The following RABGAP1 variants were observed in gnomAD, a reference collection of about 807,000 sequenced individuals.
RABGAP1 encodes RAB GTPase activating protein 1.
In RABGAP1, 23 loss-of-function variants were observed where a neutral mutation model predicts 137.6. That is an observed-to-expected ratio of 0.17 (90% CI 0.12 to 0.24). RABGAP1 has a LOEUF of 0.24. RABGAP1 is among the 10% of genes least tolerant of loss of function. The pLI, the probability that RABGAP1 is intolerant of heterozygous loss-of-function variation, is 1.00. For missense variants in RABGAP1, 906 were observed against 1,275.8 expected (o/e 0.71, Z 4.42); for synonymous variants, 451 against 450.7 (o/e 1.00, Z -0.01).
chr9:122,950,237 A>G (rs1834155781), intron 1 of RABGAP1, among the ~76,000 whole-genome samples: 1 of 152,158 alleles, frequency 6.6e-6, no homozygotes, highest in Non-Finnish European at 1.5e-5. Context: ...ATACAAGTCA[A>G]TGACATGAGG....
At chr9:122,980,154 A>G (rs1835969961) in intron 2 of RABGAP1, among the ~76,000 whole-genome samples, 1 of 152,236 alleles carries the variant, frequency 6.6e-6, no homozygotes, top group Non-Finnish European at 1.5e-5. Flanking sequence ...AGAGTTGAGT[A>G]GCTGCAAGAG....
At chr9:123,052,416 T>C (rs2033522931) in intron 13 of RABGAP1, among the ~76,000 whole-genome samples, 1 of 152,244 alleles carries the variant, frequency 6.6e-6, no homozygotes, top group Non-Finnish European at 1.5e-5. Flanking sequence ...CTTTTAGATC[T>C]TTTAGATAAG....
chr9:123,085,698 A>C (rs1476063333), intron 19 of RABGAP1, among the ~76,000 whole-genome samples: 1 of 152,220 alleles, frequency 6.6e-6, no homozygotes, highest in African/African-American at 2.4e-5. Flanking sequence ...AGAGAAAAAA[A>C]TGAGTCTTGG....
chr9:123,051,216 GTTTTTTTTTTT>G (rs552457119), intron 13 of RABGAP1, among the ~76,000 whole-genome samples: 2 of 34,274 alleles, frequency 5.8e-5, no homozygotes, highest in Admixed American at 3.5e-4. Flanking sequence ...ATTCACCTTG[GTTTTTTTTTTT>G]TTTTTTTTTT....
At chr9:122,996,775 CA>C (rs1171039659) in intron 8 of RABGAP1, among the ~76,000 whole-genome samples, 170 bp downstream of exon 8, 1 of 152,136 alleles carries the variant, frequency 6.6e-6, no homozygotes, top group African/African-American at 2.4e-5. Context: ...TAGCTATTTA[CA>C]AGTCTGACTT....
intron 2 of RABGAP1, among the ~76,000 whole-genome samples, chr9:122,970,444 T>TA (rs1289409718): frequency 6.6e-6 from 1 of 152,174 alleles, no homozygotes; most frequent in Non-Finnish European, 1.5e-5. Context: ...TACCCTGTCT[T>TA]AAAAAAGAAA....
Position 123,051,794 on chromosome 9 carries a change from AT to A in RABGAP1, c.1795-13552del, listed in dbSNP as rs398012162. On this transcript the variant is annotated intron_variant, in intron 13 of 25. Transcript: ENST00000373647. ...ATTTTATTTTATTTTATTTTATTTTATTATTATCTTTTTATGAGACGGAGCC... is the reference window on the plus strand; with the variant it reads ...ATTTTATTTTATTTTATTTTATTTTATATTATCTTTTTATGAGACGGAGCC... Among the ~76,000 whole-genome samples the A allele has an allele frequency of 5.8e-4, 67 of 115,012 alleles. No homozygotes were observed. In the Admixed American group the frequency reaches 6.0e-3, roughly 10 times the overall value. 75.5% of individuals were successfully genotyped at this position (115,012 alleles called of 152,430 possible).
intron 13 of RABGAP1, among the ~76,000 whole-genome samples, chr9:123,064,782 A>G (rs1466675167): frequency 1.3e-5 from 2 of 152,240 alleles, no homozygotes; most frequent in Non-Finnish European, 2.9e-5. Context: ...CATTGGAAAA[A>G]GCAAAGGATA....
At chr9:123,096,024 A>G (rs948970605) in intron 21 of RABGAP1, among the ~76,000 whole-genome samples, 1 of 152,220 alleles carries the variant, frequency 6.6e-6, no homozygotes, top group East Asian at 1.9e-4. Context: ...CTTGGAAAGT[A>G]TGTATGTTCT....
In RABGAP1 at chr9:123,101,673, G is replaced by C. The variant is rs960818580; in HGVS notation, c.2997G>C (p.Glu999Asp). The C allele has an allele frequency of 7.4e-6, 12 of 1,614,036 alleles. No individual in the cohort carries two copies. Among genetic ancestry groups the C allele is most frequent in the Non-Finnish European group, 1.0e-5 (12 of 1,179,990 alleles). ...KEVLDEDTDE[E>D]KETLKNQLRE... is the part of the protein sequence containing the mutation. ...TTTTAGATGAGGACACGGATGAAGA[G>C]AAAGAGACGCTCAAGAACCAGCTGA... The change falls in exon 25 of 26, where the codon GAG becomes GAC. Residue 999 changes from glutamate (E) to aspartate (D), a missense_variant. Physicochemically the swap from Glu to Asp is conservative, Grantham distance 45. This residue lies in a region of RABGAP1 where 193 missense variants were observed against 248.1 expected (regional missense o/e 0.78). Transcript: ENST00000373647.
At chr9:122,935,753 A>G in the RABGAP1 span, among the ~76,000 whole-genome samples, 118 of 152,328 alleles carry the variant, frequency 7.7e-4, no homozygotes, top group Middle Eastern at 3.4e-3. Flanking sequence ...TTGACTTACT[A>G]GAGATCTTTG....
intron 13 of RABGAP1, chr9:123,029,300 A>G (rs1396049082): frequency 1.7e-6 from 1 of 589,894 alleles, no homozygotes; most frequent in Non-Finnish European, 3.0e-6. Context: ...ATGTTAATTA[A>G]TCAATGTTTA....
chr9:123,092,357 G>C (rs1244809476), intron 21 of RABGAP1, among the ~76,000 whole-genome samples: 2 of 152,206 alleles, frequency 1.3e-5, no homozygotes, highest in South Asian at 2.1e-4. Flanking sequence ...CCCATTTACT[G>C]ATGATTTGTG....
Position 122,998,591 on chromosome 9 carries a change from G to T in RABGAP1, c.1205-6G>T. On this transcript the variant is annotated splice_region_variant and splice_polypyrimidine_tract_variant and intron_variant, in intron 9 of 25. Transcript: ENST00000373647. ...ACCTCTTCAGCCTCTCTCTTTCTTTGTTTAGATAAAGTCCTGTTTATGACC... is the reference window on the plus strand; with the variant it reads ...ACCTCTTCAGCCTCTCTCTTTCTTTTTTTAGATAAAGTCCTGTTTATGACC... 6.4e-7 allele frequency: 1 copy of T among 1,559,028 alleles called. No homozygotes were observed. Among genetic ancestry groups the T allele is most frequent in the Non-Finnish European group, 8.7e-7 (1 of 1,145,268 alleles).
chr9:122,989,640 G>A (rs1267148709), intron 5 of RABGAP1, 169 bp downstream of exon 5: 1 of 711,712 alleles, frequency 1.4e-6, no homozygotes, highest in Non-Finnish European at 2.3e-6. Context: ...CTAAAAATTT[G>A]ATTAACTAGA....
intron 2 of RABGAP1, among the ~76,000 whole-genome samples, chr9:122,959,762 G>GC (rs749919453): frequency 3.3e-5 from 5 of 152,160 alleles, no homozygotes; most frequent in Non-Finnish European, 5.9e-5. Flanking sequence ...CAAAGCAGGA[G>GC]CAAGATATCA....
At chr9:122,953,105 A>G (rs560418340) in intron 1 of RABGAP1, among the ~76,000 whole-genome samples, 17 of 152,364 alleles carry the variant, frequency 1.1e-4, no homozygotes, top group Admixed American at 2.0e-4. Context: ...CCCGACTAAC[A>G]ATCAAATTAA....
At chr9:122,952,470 G>C (rs550811366) in intron 1 of RABGAP1, among the ~76,000 whole-genome samples, 2 of 151,854 alleles carry the variant, frequency 1.3e-5, no homozygotes, top group African/African-American at 4.8e-5. Flanking sequence ...GGGTTTCACC[G>C]TGTTAGCCAG....
intron 1 of RABGAP1, among the ~76,000 whole-genome samples, chr9:122,941,411 G>A (rs1265701023): frequency 1.3e-5 from 2 of 152,248 alleles, no homozygotes; most frequent in African/African-American, 4.8e-5. Flanking sequence ...TGGTCCCCCA[G>A]CAAAGCCGGT....
Sources: allele counts gnomAD v4.1 joint callset (sites outside exome capture counted in the v4.1 genomes callset), GRCh38; gene constraint gnomAD v4.1.1; regional missense constraint gnomAD v4.1.1; transcripts MANE v1.5; gene names NCBI Gene and HGNC (gene_info 2026-07-23, HGNC 2026-07-21).